Variants in RPL28 observed in about 807,000 individuals in gnomAD.
RPL28 encodes the protein ribosomal protein L28.
In RPL28, 4 loss-of-function variants were observed where a neutral mutation model predicts 12.5. That is an observed-to-expected ratio of 0.32 (90% CI 0.16 to 0.73). The LOEUF (loss-of-function observed/expected upper bound fraction) is 0.73. RPL28 is among the 30% of genes least tolerant of loss of function. The probability of loss-of-function intolerance (pLI) is 0.66; values close to 1 mark genes in which losing one functional copy is unlikely to be tolerated. For synonymous variants in RPL28, 91 were observed against 72.5 expected (o/e 1.26, Z -1.30); for missense variants, 214 against 197.7 (o/e 1.08, Z -0.49).
At position 55,386,336 on chromosome 19, in the gene RPL28, C is replaced by T. The variant is rs367867573; in HGVS notation, c.-8-14C>T. On this transcript the variant is annotated splice_polypyrimidine_tract_variant and intron_variant, in intron 1 of 4. Transcript: ENST00000344063. ...TCTGTGTCTGACGCTTTCCCTGTGC[C>T]CGTTTCCCCGCAGCCGCCGCCATGT... 25 of 1,612,354 alleles carry T rather than the reference C, an allele frequency of 1.6e-5. No homozygotes were observed. In the East Asian group the frequency reaches 1.8e-4, roughly 11 times the overall value.
chr19:55,393,776 G>T (rs968152765), downstream of RPL28, among the ~76,000 whole-genome samples: 2 of 151,766 alleles, frequency 1.3e-5, no homozygotes, highest in African/African-American at 4.8e-5. Flanking sequence ...AGCCCCTCAA[G>T]TAGCTGGGAT....
At chr19:55,394,475 G>A (rs1466057680), downstream of RPL28, among the ~76,000 whole-genome samples, 3 of 151,936 alleles carry the variant, frequency 2.0e-5, no homozygotes, top group Non-Finnish European at 4.4e-5. Context: ...TACCCAGGTT[G>A]GGCTTGAATT....
Position 55,389,666 on chromosome 19 carries a change from C to T in RPL28, c.*1334C>T. The T allele has an allele frequency of 1.0e-6, 1 of 985,560 alleles. No homozygotes were observed. The highest frequency in any genetic ancestry group is 4.7e-5 in the South Asian group (1 of 21,288). The allele number at this position is 985,560 out of a possible 1,614,324, so 61.1% of individuals were successfully genotyped here. On this transcript the variant is annotated 3_prime_UTR_variant, in exon 5 of 5. Coordinates refer to ENST00000344063, the MANE Select transcript of RPL28 (RefSeq NM_000991.5). Reference sequence around the variant, plus strand: ...CAGTCCTGTCTGCTCCAGTCTTGCCCAGCTCGAAGGAGAGCAGATCTGACC... The same window carrying T: ...CAGTCCTGTCTGCTCCAGTCTTGCCTAGCTCGAAGGAGAGCAGATCTGACC...
rs78782722 is a variant in RPL28, at chr19:55,387,571, G to C, written c.206-359G>C. The C allele has an allele frequency of 2.7e-3, 3,854 of 1,424,264 alleles. 65 individuals are homozygous for C. The African/African-American group carries it at 0.042, about 16-fold the overall frequency. The allele number at this position is 1,424,264 out of a possible 1,614,324, so 88.2% of individuals were successfully genotyped here. ...GCTGATGTTGAACCACTGCTGTGGG[G>C]ATGGGCCTGGGGTTCCTGGGAAGCT... is the stretch of plus-strand genomic sequence containing the variant. On this transcript the variant is annotated intron_variant, in intron 3 of 4. Transcript: ENST00000344063.
At chr19:55,400,692 C>A (rs1419343153) in intron 4 of RPL28, 1 of 152,268 alleles carries the variant, frequency 6.6e-6, no homozygotes, top group Admixed American at 6.5e-5. Flanking sequence ...TCAATTTTAG[C>A]CTGCAAAGCA....
downstream of RPL28, among the ~76,000 whole-genome samples, chr19:55,392,408 T>TA (rs1248408485): frequency 6.6e-6 from 1 of 152,150 alleles, no homozygotes; most frequent in Non-Finnish European, 1.5e-5. Flanking sequence ...TTTAAAAAGA[T>TA]ATTTTGTAGA....
At chr19:55,387,881 G>C in intron 3 of RPL28, 49 bp from the exon 4 acceptor site, 1 of 1,514,812 alleles carries the variant, frequency 6.6e-7, no homozygotes, top group Non-Finnish European at 8.8e-7. Flanking sequence ...GTGTGCTAAA[G>C]GTGCAGGTTA....
rs545165832 is a variant in RPL28 at position 55,401,795 on chromosome 19, G to C, written c.325-1148G>C. The C allele has an allele frequency of 6.8e-6, 11 of 1,611,060 alleles. No homozygotes were observed. In the South Asian group the frequency reaches 7.7e-5, roughly 11 times the overall value. On this transcript the variant is annotated intron_variant, in intron 4 of 4. Coordinates refer to the RPL28 transcript ENST00000560055. ...AAGAGGCTCAGGGTCACAGTGGGTC[G>C]GGCAACCTACAGGGACCCCCAGGCC...
downstream of RPL28, chr19:55,403,296 CCT>C: frequency 1.8e-6 from 1 of 571,368 alleles, no homozygotes; most frequent in South Asian, 2.2e-5. Context: ...AGCAAAAAAG[CCT>C]CTAATGAGAC....
downstream of RPL28, among the ~76,000 whole-genome samples, chr19:55,396,548 CT>C (rs1569045660): frequency 1.9e-3 from 3 of 1,620 alleles, no homozygotes; most frequent in African/African-American, 2.6e-3. Flanking sequence ...CTCCCCTCCC[CT>C]CCCCTCCCCT....
Position 55,388,494 on chromosome 19 carries a change from A to G in RPL28, c.*162A>G, listed in dbSNP as rs1357283530. 3.8e-6 allele frequency: 5 copies of G among 1,316,456 alleles called. No homozygotes were observed. The highest frequency in any genetic ancestry group is 3.0e-5 in the African/African-American group (2 of 65,582). The allele number at this position is 1,316,456 out of a possible 1,614,324, so 81.5% of individuals were successfully genotyped here. On this transcript the variant is annotated 3_prime_UTR_variant, in exon 5 of 5. Transcript: ENST00000344063. ...CCTTGTCCATCTGGAGGTGATGTCA[A>G]TGGCTGGCCATGCAGGAGGGGTGGG...
downstream of RPL28, among the ~76,000 whole-genome samples, chr19:55,395,568 C>T (rs905350085): frequency 5.3e-5 from 8 of 151,898 alleles, no homozygotes; most frequent in Non-Finnish European, 1.2e-4. Flanking sequence ...CTCAGCCTCC[C>T]TAGTAGCTGG....
At chr19:55,402,988 C>T (rs775214343) in exon 5 of RPL28, 28 of 1,534,798 alleles carry the variant, frequency 1.8e-5, no homozygotes, top group Non-Finnish European at 2.6e-6. Flanking sequence ...CAGCCTGGAG[C>T]ACCAGCCTAG....
At chr19:55,392,257 G>A (rs903434763), downstream of RPL28, among the ~76,000 whole-genome samples, 46 of 152,236 alleles carry the variant, frequency 3.0e-4, no homozygotes, top group African/African-American at 9.9e-4. Context: ...TCTAAGAGAC[G>A]GGGTCTCACT....
Position 55,391,102 on chromosome 19 carries a change from GC to G in RPL28, c.*2773del. ...AAGGTCCCTGATAAAGTTAGTAGCT[GC>G]CCTCATCAGAAACCAGGCCCAGGCA... On this transcript the variant is annotated 3_prime_UTR_variant, in exon 5 of 5. Transcript: ENST00000344063. The G allele has an allele frequency of 2.7e-6, 1 of 366,428 alleles. No homozygotes were observed. Among genetic ancestry groups the G allele is most frequent in the Non-Finnish European group, 3.8e-6 (1 of 263,242 alleles). 22.7% of individuals were successfully genotyped at this position (366,428 alleles called of 1,614,324 possible).
At chr19:55,402,927 C>CTTT (rs112400318) in intron 4 of RPL28, 3 of 1,151,092 alleles carry the variant, frequency 2.6e-6, no homozygotes, top group Admixed American at 5.0e-5. Context: ...ATTTGGTTAA[C>CTTT]TTTTTTTTTT....
chr19:55,387,537 C>T (rs2089944480), intron 3 of RPL28: 2 of 1,431,346 alleles, frequency 1.4e-6, no homozygotes, highest in South Asian at 3.0e-5. Context: ...GGCTGGGCCT[C>T]TCAGCCAAGC....
In RPL28 at chr19:55,392,070, A is replaced by T; in HGVS notation, c.*3738A>T. 1 of 1,016,236 alleles carries T rather than the reference A, an allele frequency of 9.8e-7. No individual in the cohort carries two copies. 63.0% of individuals were successfully genotyped at this position (1,016,236 alleles called of 1,614,324 possible). A position where few individuals can be genotyped will look rare whatever the true frequency, so the allele number is the denominator to read the frequency against. On this transcript the variant is annotated 3_prime_UTR_variant, in exon 5 of 5. Transcript: ENST00000344063. ...TCTTGTAGCCAGTTACTAGAATAAA[A>T]TCATCTACTTTAAAATCTTTCATTA...
exon 5 of RPL28, chr19:55,403,080 C>T (rs2090073248): frequency 1.6e-6 from 2 of 1,236,614 alleles, no homozygotes; most frequent in Admixed American, 2.0e-5. Flanking sequence ...AGGATTTGGG[C>T]AGCACCCTTG....
Sources: gnomAD v4.1 joint callset for allele counts (sites outside exome capture counted in the v4.1 genomes callset) on GRCh38, gnomAD v4.1.1 for gene constraint, MANE v1.5 for transcripts, NCBI Gene and HGNC (gene_info 2026-07-23, HGNC 2026-07-21) for gene names.